Variants in MAN1A1 observed in about 807,000 individuals in gnomAD.
The protein encoded by MAN1A1 is mannosyl-oligosaccharide 1,2-alpha-mannosidase IA.
A neutral mutation model predicts 70.8 loss-of-function variants in MAN1A1; 29 were observed. The observed-to-expected ratio is 0.41, with a 90% CI of 0.31 to 0.56. The LOEUF (loss-of-function observed/expected upper bound fraction) is 0.56. Ranked by LOEUF, MAN1A1 falls within the 20% of genes least tolerant of loss-of-function variation. The pLI is 0.29. For missense variants in MAN1A1, 747 were observed against 841.3 expected (o/e 0.89, Z 1.39); for synonymous variants, 349 against 330.1 (o/e 1.06, Z -0.62).
intron 6 of MAN1A1, among the ~76,000 whole-genome samples, chr6:119,224,837 T>C (rs1338852695): frequency 2.0e-5 from 3 of 152,106 alleles, no homozygotes; most frequent in African/African-American, 7.2e-5. Flanking sequence ...CTAAAAATAA[T>C]TGTATCTGGG....
intron 4 of MAN1A1, among the ~76,000 whole-genome samples, chr6:119,297,377 C>A (rs1484791891): frequency 6.6e-6 from 1 of 152,168 alleles, no homozygotes; most frequent in South Asian, 2.1e-4. Flanking sequence ...ATTCATTTAA[C>A]AAATATTTAT....
chr6:119,304,124 G>A (rs1189076572), intron 3 of MAN1A1, among the ~76,000 whole-genome samples: 1 of 152,092 alleles, frequency 6.6e-6, no homozygotes, highest in Non-Finnish European at 1.5e-5. Context: ...CCTTTCAAAT[G>A]CCAAGTTAAG....
intron 6 of MAN1A1, among the ~76,000 whole-genome samples, chr6:119,206,111 G>A (rs1429387208): frequency 6.6e-6 from 1 of 152,190 alleles, no homozygotes; most frequent in Non-Finnish European, 1.5e-5. Flanking sequence ...AAAAAATGAT[G>A]AGAATCTGGG....
At chr6:119,307,661 T>C (rs975798434) in intron 2 of MAN1A1, among the ~76,000 whole-genome samples, 1 of 152,144 alleles carries the variant, frequency 6.6e-6, no homozygotes, top group Non-Finnish European at 1.5e-5. Flanking sequence ...CCAATAATGG[T>C]TTTAAAAGCC....
intron 6 of MAN1A1, among the ~76,000 whole-genome samples, chr6:119,228,652 T>C (rs1171152792): frequency 6.6e-6 from 1 of 152,068 alleles, no homozygotes; most frequent in Non-Finnish European, 1.5e-5. Flanking sequence ...TGATATGAAA[T>C]TCAGAATAAA....
At chr6:119,312,933 TGAG>T (rs1208050874) in intron 2 of MAN1A1, among the ~76,000 whole-genome samples, 3 of 152,056 alleles carry the variant, frequency 2.0e-5, no homozygotes, top group African/African-American at 4.8e-5. Flanking sequence ...TACAGCACAG[TGAG>T]GAGATCAGGT....
chr6:119,181,201 AT>A (rs1351836612), intron 11 of MAN1A1, among the ~76,000 whole-genome samples: 2 of 152,184 alleles, frequency 1.3e-5, no homozygotes, highest in Non-Finnish European at 2.9e-5. Flanking sequence ...CCCAAGCCTG[AT>A]ATTGTCTGGC....
Position 119,348,677 on chromosome 6 carries a change from C to T in MAN1A1, c.389G>A (p.Arg130Gln), listed in dbSNP as rs758674465. Reference sequence around the variant, plus strand: ...GGTCTCCTTGGCTTCCCTGAGAGCCCGCTCGTGGTTTTCGCGGATCCTGGC... The same window carrying T: ...GGTCTCCTTGGCTTCCCTGAGAGCCTGCTCGTGGTTTTCGCGGATCCTGGC... ...NLARIRENHE[R>Q]ALREAKETLQ... is the part of the protein sequence containing the mutation. The change falls in exon 2 of 13, where the codon CGG (arginine) becomes CAG (glutamine). Residue 130 changes from arginine to glutamine, a missense_variant. Around this residue, in one of 2 missense-constraint regions of MAN1A1, gnomAD observed 328 missense variants for 293.1 expected, o/e 1.12. Transcript: ENST00000368468. 1.3e-5 allele frequency: 21 copies of T among 1,611,174 alleles called. No individual in the cohort carries two copies. The South Asian group carries it at 1.9e-4, about 14-fold the overall frequency.
chr6:119,309,599 C>T (rs893766143), intron 2 of MAN1A1, among the ~76,000 whole-genome samples: 5 of 152,018 alleles, frequency 3.3e-5, no homozygotes, highest in Non-Finnish European at 5.9e-5. Context: ...TGACATTCCA[C>T]GTAGAAGTAA....
intron 6 of MAN1A1, among the ~76,000 whole-genome samples, chr6:119,216,287 G>A (rs1056394880): frequency 2.0e-5 from 3 of 152,226 alleles, no homozygotes; most frequent in Non-Finnish European, 4.4e-5. Context: ...AAGGAGGAGT[G>A]TAGGCAAGCA....
Position 119,290,699 on chromosome 6 carries a change from T to C in MAN1A1, c.881A>G (p.Tyr294Cys), listed in dbSNP as rs755334241. 1.2e-6 allele frequency: 2 copies of C among 1,610,484 alleles called. No homozygotes were observed. The highest frequency in any genetic ancestry group is 1.7e-6 in the Non-Finnish European group (2 of 1,177,824). Residue 294 changes from tyrosine (Y) to cysteine (C), a missense_variant, in exon 5 of 13, where the codon TAT becomes TGT. Physicochemically the swap from Tyr to Cys is radical, Grantham distance 194 (BLOSUM62 -2). Transcript: ENST00000368468. Reference sequence around the variant, plus strand: ...TCATCTTACCTCTTCTCCAGACAGATAGTAGGCTGAGAGTAGTCCACCAAC... The same window carrying C: ...TCATCTTACCTCTTCTCCAGACAGACAGTAGGCTGAGAGTAGTCCACCAAC... ...RFVGGLLSAY[Y>C]LSGEEIFRKK...
rs74296929 is a variant in MAN1A1, at chr6:119,223,434, T to C, written c.993-18552A>G. On this transcript the variant is annotated intron_variant, in intron 6 of 12. Coordinates refer to ENST00000368468, the MANE Select transcript of MAN1A1 (RefSeq NM_005907.4). The stretch of plus-strand genomic sequence containing the variant: ...TAAAAAAAAGTAACCTTACATTTCA[T>C]AGGTGGCACTGAAAACTGGCACAAC... 6.0e-3 allele frequency among the ~76,000 whole-genome samples: 906 copies of C among 152,256 alleles called. 29 individuals carry two copies. The East Asian group carries it at 0.091, about 15-fold the overall frequency.
At chr6:119,183,826 T>C (rs938217688) in intron 11 of MAN1A1, among the ~76,000 whole-genome samples, 2 of 152,114 alleles carry the variant, frequency 1.3e-5, no homozygotes, top group Non-Finnish European at 2.9e-5. Flanking sequence ...AACTTCCAGC[T>C]TGAGACCCCC....
At position 119,179,320 on chromosome 6, in the gene MAN1A1, G is replaced by A. The variant is rs1412666171; in HGVS notation, c.*499C>T. Reference sequence around the variant, plus strand: ...AAATAATGATAGACCTGCATAAGGAGGCTGTCACAGAAGATCTGTCTCTGG... The same window carrying A: ...AAATAATGATAGACCTGCATAAGGAAGCTGTCACAGAAGATCTGTCTCTGG... On this transcript the variant is annotated 3_prime_UTR_variant, in exon 13 of 13. Transcript: ENST00000368468. The A allele has an allele frequency of 6.5e-6, 1 of 152,816 alleles. No homozygotes were observed. Among genetic ancestry groups the A allele is most frequent in the East Asian group, 1.9e-4 (1 of 5,186 alleles). The allele number at this position is 152,816 out of a possible 1,614,324, so 9.5% of individuals were successfully genotyped here. A position where few individuals can be genotyped will look rare whatever the true frequency, so the allele number is the denominator to read the frequency against.
chr6:119,286,649 C>T (rs994685328), intron 5 of MAN1A1, among the ~76,000 whole-genome samples: 3 of 151,990 alleles, frequency 2.0e-5, no homozygotes, highest in Non-Finnish European at 2.9e-5. Flanking sequence ...AGATGTCTTC[C>T]GCATCTTTTT....
At chr6:119,216,061 GGT>G (rs1290570453) in intron 6 of MAN1A1, among the ~76,000 whole-genome samples, 1 of 152,184 alleles carries the variant, frequency 6.6e-6, no homozygotes, top group Non-Finnish European at 1.5e-5. Context: ...AAGCTTGGCT[GGT>G]GTAGCTGACA....
chr6:119,277,202 T>C (rs1162134066), intron 5 of MAN1A1, among the ~76,000 whole-genome samples: 1 of 152,194 alleles, frequency 6.6e-6, no homozygotes. Context: ...TGCAAACAAA[T>C]TGTGGCATAC....
At chr6:119,337,618 T>C (rs763914583) in intron 2 of MAN1A1, among the ~76,000 whole-genome samples, 44 of 152,220 alleles carry the variant, frequency 2.9e-4, no homozygotes, top group Admixed American at 5.9e-4. Flanking sequence ...AAAACAGAAG[T>C]ACTTCCAACC....
chr6:119,204,905 G>C (rs779493353), intron 6 of MAN1A1, 23 bp from the exon 7 acceptor site: 5 of 1,612,324 alleles, frequency 3.1e-6, no homozygotes, highest in Non-Finnish European at 4.2e-6. Flanking sequence ...TGACGTCGAA[G>C]AGTTATGGGT....
Sources: allele counts gnomAD v4.1 joint callset (sites outside exome capture counted in the v4.1 genomes callset), GRCh38; gene constraint gnomAD v4.1.1; regional missense constraint gnomAD v4.1.1; transcripts MANE v1.5; gene names NCBI Gene and HGNC (gene_info 2026-07-23, HGNC 2026-07-21).